COPG2: variants seen among roughly 807,000 people sequenced by gnomAD.
The protein encoded by COPG2 is coat protein complex I subunit gamma 2.
COPG2 carries 37 observed loss-of-function variants against 46.3 expected under a neutral mutation model. That is an observed-to-expected ratio of 0.80 (90% CI 0.61 to 1.05). The LOEUF is 1.05. Among genes scored for constraint, COPG2 ranks in the 50% least tolerant of loss-of-function variants. COPG2 has a pLI of 0.00. For missense variants in COPG2, 427 were observed against 387.8 expected, an observed-to-expected ratio of 1.10 and a Z score of -0.85; for synonymous variants, 159 against 129.7, an observed-to-expected ratio of 1.23 and a Z score of -1.53.
At chr7:130,614,136 A>G (rs1356418630) in intron 6 of COPG2, among the ~76,000 whole-genome samples, 1 of 152,228 alleles carries the variant, frequency 6.6e-6, no homozygotes. Flanking sequence ...CCCTCAACAT[A>G]AAATCCTCTG....
At chr7:130,564,829 T>C (rs1793776830) in intron 9 of COPG2, among the ~76,000 whole-genome samples, 1 of 152,298 alleles carries the variant, frequency 6.6e-6, no homozygotes, top group South Asian at 2.1e-4. Flanking sequence ...TGTCACTATG[T>C]GACCTGTCTG....
intron 9 of COPG2, among the ~76,000 whole-genome samples, chr7:130,587,861 AC>A (rs1443903027): frequency 6.6e-6 from 1 of 152,092 alleles, no homozygotes; most frequent in Non-Finnish European, 1.5e-5. Flanking sequence ...TAGGCAACCT[AC>A]AGAATGGGAG....
intron 19 of COPG2, among the ~76,000 whole-genome samples, 188 bp from the exon 20 acceptor site, chr7:130,548,033 T>C (rs1411546615): frequency 6.6e-6 from 1 of 152,168 alleles, no homozygotes; most frequent in East Asian, 1.9e-4. Flanking sequence ...ATATTATTCA[T>C]CAGTTTTTTC....
intron 9 of COPG2, among the ~76,000 whole-genome samples, chr7:130,584,755 A>C (rs1794230010): frequency 6.6e-6 from 1 of 152,068 alleles, no homozygotes; most frequent in African/African-American, 2.4e-5. Context: ...CTAACCAAGG[A>C]GGTGAAAGGC....
intron 9 of COPG2, among the ~76,000 whole-genome samples, chr7:130,599,060 C>G (rs1425939129): frequency 1.3e-5 from 2 of 152,230 alleles, no homozygotes; most frequent in African/African-American, 4.8e-5. Flanking sequence ...TTAGAGCAGG[C>G]AGCCAGAGGT....
rs1044722111 is a variant in COPG2 at position 130,516,835 on chromosome 7, G to A, written c.2150-8176C>T. 2.6e-5 allele frequency among the ~76,000 whole-genome samples: 4 copies of A among 152,282 alleles called. No individual in the cohort carries two copies. The South Asian group carries it at 8.3e-4, about 32-fold the overall frequency. ...AAGTAATGGGTTTGGTCAGTATGGT[G>A]AGAGGTGAGAGAGGCTAAATGGGAT... is the stretch of plus-strand genomic sequence containing the variant. On this transcript the variant is annotated intron_variant, in intron 20 of 23. Transcript: ENST00000425248.
intron 5 of COPG2, chr7:130,645,422 G>A (rs550544722): frequency 2.2e-5 from 10 of 448,354 alleles, no homozygotes; most frequent in South Asian, 3.6e-5. Context: ...TGTCCATGGG[G>A]TGGAGCCCAT....
At chr7:130,578,479 C>G (rs368681783) in intron 9 of COPG2, among the ~76,000 whole-genome samples, 1 of 150,942 alleles carries the variant, frequency 6.6e-6, no homozygotes, top group African/African-American at 2.4e-5. Flanking sequence ...TCACCAGCAA[C>G]GGAACAAAGC....
chr7:130,509,967 A>G (rs1554440824), intron 20 of COPG2: 3 of 472,340 alleles, frequency 6.4e-6, no homozygotes, highest in African/African-American at 2.0e-5. Flanking sequence ...AAGAGGCCAG[A>G]AAGTCCACCG....
intron 5 of COPG2, among the ~76,000 whole-genome samples, chr7:130,632,650 C>G (rs984963456): frequency 6.6e-6 from 1 of 152,044 alleles, no homozygotes; most frequent in Non-Finnish European, 1.5e-5. Flanking sequence ...TTCTCTCTCT[C>G]TTTTCAGTTG....
chr7:130,547,167 AC>A (rs1793458222), intron 20 of COPG2: 1 of 152,324 alleles, frequency 6.6e-6, no homozygotes, highest in African/African-American at 2.4e-5. Flanking sequence ...ATGTGGACAC[AC>A]ATGGTTGGCT....
chr7:130,613,547 G>A lies in COPG2; in HGVS notation c.489C>T (p.Ser163=), dbSNP rs782270988. ...AGGAAGCTGCTTGTTCACTTACCAG[G>A]GAAGATACCAGTGCTGAACTGGATA... is the stretch of plus-strand genomic sequence containing the variant. ...SSVSSSALVS[S]LHMMKISYDV... The change falls in exon 7 of 24, where the codon TCC becomes TCT. Residue 163 remains serine (S), a synonymous_variant. Coordinates refer to ENST00000425248, the MANE Select transcript of COPG2 (RefSeq NM_012133.6). 56 of 1,578,894 alleles carry A rather than the reference G, an allele frequency of 3.5e-5. No homozygotes were observed. Among genetic ancestry groups the A allele is most frequent in the Non-Finnish European group, 4.8e-5 (56 of 1,155,390 alleles).
At chr7:130,509,040 C>CA (rs147902319) in intron 20 of COPG2, 5,749 of 397,942 alleles carry the variant, frequency 0.014, 65 homozygotes, top group African/African-American at 0.048. Context: ...AAAAAAAAAA[C>CA]AAAAAAAAAA....
chr7:130,511,576 G>A (rs1799595263), intron 20 of COPG2: 1 of 519,428 alleles, frequency 1.9e-6, no homozygotes, highest in South Asian at 1.4e-5. Flanking sequence ...GTCCTCAGAT[G>A]AAAAGGAGTT....
intron 12 of COPG2, among the ~76,000 whole-genome samples, chr7:130,557,802 A>C (rs1793651858): frequency 9.6e-6 from 1 of 104,114 alleles, no homozygotes; most frequent in African/African-American, 3.7e-5. Context: ...GGGCAGCAAG[A>C]ATGAAACTCC....
rs189130074 is a variant in COPG2 at position 130,628,255 on chromosome 7, C to A, written c.324-11190G>T. ...TGCCCATCTCCTCTACCCCCGCCCC[C>A]TTTCTGCCTGAGTTTGGGTTAACTG... is the stretch of plus-strand genomic sequence containing the variant. On this transcript the variant is annotated intron_variant, in intron 5 of 23. Coordinates refer to ENST00000425248, the MANE Select transcript of COPG2 (RefSeq NM_012133.6). Among the ~76,000 whole-genome samples, 20 of 152,242 alleles carry A rather than the reference C, an allele frequency of 1.3e-4. No individual in the cohort carries two copies. The East Asian group carries it at 3.9e-3, about 29-fold the overall frequency.
intron 12 of COPG2, among the ~76,000 whole-genome samples, chr7:130,557,661 A>G (rs1262731223): frequency 6.6e-6 from 1 of 151,456 alleles, no homozygotes; most frequent in Admixed American, 6.6e-5. Context: ...ATAAAAAATT[A>G]GCTGGGCATG....
At chr7:130,598,110 G>C (rs987474572) in intron 9 of COPG2, among the ~76,000 whole-genome samples, 1 of 152,126 alleles carries the variant, frequency 6.6e-6, no homozygotes, top group Non-Finnish European at 1.5e-5. Context: ...TGGGACATTA[G>C]AGCAAGGGCT....
At chr7:130,560,410 C>T (rs1793699603) in intron 12 of COPG2, among the ~76,000 whole-genome samples, 1 of 151,982 alleles carries the variant, frequency 6.6e-6, no homozygotes, top group Non-Finnish European at 1.5e-5. Context: ...GTCAGTTCTC[C>T]CCAAATTGAT....
Sources: allele counts gnomAD v4.1 joint callset (sites outside exome capture counted in the v4.1 genomes callset), GRCh38; gene constraint gnomAD v4.1.1; transcripts MANE v1.5; gene names NCBI Gene and HGNC (gene_info 2026-07-23, HGNC 2026-07-21).